PPP1R9A: variants seen among roughly 807,000 people sequenced by gnomAD.
The protein encoded by PPP1R9A is protein phosphatase 1 regulatory subunit 9A.
In PPP1R9A, 59 loss-of-function variants were observed where a neutral mutation model predicts 141.9. The observed-to-expected ratio is 0.42, with a 90% CI of 0.34 to 0.52. The LOEUF is 0.52. PPP1R9A is among the 20% of genes least tolerant of loss of function. The pLI is 0.10. For missense variants in PPP1R9A, 1,444 were observed against 1,611.9 expected (o/e 0.90, Z 1.78); for synonymous variants, 500 against 569.7 (o/e 0.88, Z 1.74).
chr7:95,191,015 G>A (rs1835416275), intron 5 of PPP1R9A, among the ~76,000 whole-genome samples: 1 of 152,094 alleles, frequency 6.6e-6, no homozygotes, highest in African/African-American at 2.4e-5. Context: ...GAAAAATAAG[G>A]AATTCATAAA....
chr7:95,175,800 A>C (rs1189767890), intron 5 of PPP1R9A, among the ~76,000 whole-genome samples: 1 of 152,220 alleles, frequency 6.6e-6, no homozygotes, highest in Non-Finnish European at 1.5e-5. Flanking sequence ...TGGGTTTAAT[A>C]ACTTTGACAG....
At chr7:95,286,976 C>A in intron 18 of PPP1R9A, 1 of 864,320 alleles carries the variant, frequency 1.2e-6, no homozygotes, top group South Asian at 2.3e-5. Flanking sequence ...TTTTTTTTTT[C>A]TTGTAAGCTT....
At chr7:95,164,585 C>G (rs954621039) in intron 5 of PPP1R9A, among the ~76,000 whole-genome samples, 1 of 151,972 alleles carries the variant, frequency 6.6e-6, no homozygotes. Flanking sequence ...TTTGGCCTCT[C>G]TTCTCAAACC....
chr7:95,131,851 A>T (rs777941050), intron 4 of PPP1R9A, among the ~76,000 whole-genome samples: 4 of 152,008 alleles, frequency 2.6e-5, no homozygotes, highest in Non-Finnish European at 5.9e-5. Flanking sequence ...TGTTGTTGTC[A>T]TCTATAATTT....
chr7:95,098,689 C>T (rs1362977064), intron 2 of PPP1R9A, among the ~76,000 whole-genome samples: 1 of 152,172 alleles, frequency 6.6e-6, no homozygotes, highest in Non-Finnish European at 1.5e-5. Flanking sequence ...TTCTGATGAC[C>T]TCCTTGAATG....
intron 12 of PPP1R9A, among the ~76,000 whole-genome samples, chr7:95,260,163 TAAA>T (rs1186179383): frequency 6.6e-6 from 1 of 152,150 alleles, no homozygotes; most frequent in Non-Finnish European, 1.5e-5. Flanking sequence ...TCCTCTTACT[TAAA>T]AAGCAAAGCA....
At chr7:95,141,192 T>C (rs1439072529) in intron 4 of PPP1R9A, among the ~76,000 whole-genome samples, 1 of 152,128 alleles carries the variant, frequency 6.6e-6, no homozygotes, top group African/African-American at 2.4e-5. Context: ...AAAATGATAA[T>C]CTAGGATGAA....
chr7:95,201,379 G>C (rs1227019535), intron 6 of PPP1R9A, among the ~76,000 whole-genome samples: 1 of 151,846 alleles, frequency 6.6e-6, no homozygotes, highest in African/African-American at 2.4e-5. Context: ...TCCCTTTCTT[G>C]TATGTTACAC....
At chr7:95,196,732 G>GA (rs1165540516) in intron 5 of PPP1R9A, among the ~76,000 whole-genome samples, 2 of 152,090 alleles carry the variant, frequency 1.3e-5, no homozygotes, top group East Asian at 3.9e-4. Context: ...TAGAATTCTA[G>GA]AAAAGATTAA....
At position 94,915,816 on chromosome 7, in the gene PPP1R9A, T is replaced by C. The variant is rs147439270; in HGVS notation, c.1395+4308T>C. On this transcript the variant is annotated intron_variant, in intron 2 of 19. Coordinates refer to ENST00000433360, the MANE Select transcript of PPP1R9A (RefSeq NM_001166160.2). ...CTCCATAGACTAATGATTTCCTGGG[T>C]CGATGATACACACTTGTTCTGTTGA... Among the ~76,000 whole-genome samples the C allele has an allele frequency of 2.0e-3, 303 of 152,256 alleles. 5 individuals are homozygous for C. The highest frequency in any genetic ancestry group is 0.019 in the South Asian group (92 of 4,818).
intron 4 of PPP1R9A, among the ~76,000 whole-genome samples, chr7:95,128,853 C>T (rs1824051462): frequency 6.6e-6 from 1 of 152,138 alleles, no homozygotes; most frequent in Non-Finnish European, 1.5e-5. Context: ...GCTGGGCTTA[C>T]AGGCATGAGC....
intron 2 of PPP1R9A, among the ~76,000 whole-genome samples, chr7:95,064,418 A>G (rs984863057): frequency 6.6e-6 from 1 of 152,216 alleles, no homozygotes; most frequent in African/African-American, 2.4e-5. Context: ...GCACTTAGGA[A>G]CACTAGACAG....
intron 2 of PPP1R9A, among the ~76,000 whole-genome samples, chr7:95,045,890 G>T (rs1358495758): frequency 6.6e-6 from 1 of 152,148 alleles, no homozygotes. Flanking sequence ...GAGAAAATGG[G>T]CTTATAATGG....
At chr7:94,944,294 A>C (rs1795648967) in intron 2 of PPP1R9A, among the ~76,000 whole-genome samples, 1 of 152,018 alleles carries the variant, frequency 6.6e-6, no homozygotes, top group African/African-American at 2.4e-5. Flanking sequence ...TCTAACACAT[A>C]TCCCCTTTGA....
rs550190714 is a variant in PPP1R9A, at chr7:95,168,239, C to T, written c.1754+6268C>T. 9.2e-5 allele frequency among the ~76,000 whole-genome samples: 14 copies of T among 152,226 alleles called. No individual in the cohort carries two copies. The South Asian group carries it at 2.5e-3, about 27-fold the overall frequency. ...AATGGAGGACCCAGAAACAAATTCACACCTTTATGGCCAACTGATTTTTGA... is the reference window on the plus strand; with the variant it reads ...AATGGAGGACCCAGAAACAAATTCATACCTTTATGGCCAACTGATTTTTGA... On this transcript the variant is annotated intron_variant, in intron 5 of 19. Transcript: ENST00000433360.
intron 8 of PPP1R9A, among the ~76,000 whole-genome samples, chr7:95,227,597 A>G (rs192110414): frequency 2.6e-5 from 4 of 152,330 alleles, no homozygotes; most frequent in African/African-American, 9.6e-5. Flanking sequence ...TTTGTGGCTG[A>G]TAACATACTA....
chr7:94,914,655 C>T (rs561146267), intron 2 of PPP1R9A, among the ~76,000 whole-genome samples: 1 of 152,248 alleles, frequency 6.6e-6, no homozygotes, highest in South Asian at 2.1e-4. Flanking sequence ...ATTATGCCTT[C>T]ATTTTCAGGA....
chr7:95,097,729 C>T lies in PPP1R9A; in HGVS notation c.1396-13530C>T, dbSNP rs543941414. ...CTCTTCATGACCTATTAGATTGATT[C>T]ACAACCTCCTTAGGTCACAGTCAGC... is the stretch of plus-strand genomic sequence containing the variant. On this transcript the variant is annotated intron_variant, in intron 2 of 19. Coordinates refer to ENST00000433360, the MANE Select transcript of PPP1R9A (RefSeq NM_001166160.2). 1.4e-3 allele frequency among the ~76,000 whole-genome samples: 214 copies of T among 152,258 alleles called. 1 individual carries two copies. Among genetic ancestry groups the T allele is most frequent in the Non-Finnish European group, 2.3e-3 (158 of 68,024 alleles).
intron 2 of PPP1R9A, among the ~76,000 whole-genome samples, chr7:95,080,995 T>G (rs1190689104): frequency 6.6e-6 from 1 of 152,206 alleles, no homozygotes; most frequent in East Asian, 1.9e-4. Flanking sequence ...TATCTGCTTG[T>G]TAACTATTGT....
Sources: gnomAD v4.1 joint callset for allele counts (sites outside exome capture counted in the v4.1 genomes callset) on GRCh38, gnomAD v4.1.1 for gene constraint, MANE v1.5 for transcripts, NCBI Gene and HGNC (gene_info 2026-07-23, HGNC 2026-07-21) for gene names.